ZNF385D: variants seen among roughly 807,000 people sequenced by gnomAD.
ZNF385D encodes the protein zinc finger protein 659.
Under a neutral mutation model 35.8 loss-of-function variants are expected in ZNF385D, and 15 were observed. The ratio of observed to expected loss-of-function variants is 0.42; its 90% CI spans 0.28 to 0.64. The LOEUF (loss-of-function observed/expected upper bound fraction) is 0.64, where lower values mean the gene tolerates loss of function less well. ZNF385D is among the 30% of genes least tolerant of loss of function. The probability of loss-of-function intolerance (pLI) is 0.23; values close to 1 mark genes in which losing one functional copy is unlikely to be tolerated. For missense variants in ZNF385D, 474 were observed against 494.6 expected (o/e 0.96, Z 0.39); for synonymous variants, 212 against 186.8 (o/e 1.13, Z -1.10).
intron 2 of ZNF385D, among the ~76,000 whole-genome samples, chr3:21,568,745 A>G (rs1007302435): frequency 1.3e-5 from 2 of 152,156 alleles, no homozygotes; most frequent in Non-Finnish European, 2.9e-5. Context: ...TTAATTTACC[A>G]TCATTGTTCA....
intron 3 of ZNF385D, among the ~76,000 whole-genome samples, chr3:21,801,257 G>A (rs991774169): frequency 3.3e-5 from 5 of 152,060 alleles, no homozygotes; most frequent in African/African-American, 1.2e-4. Context: ...GTGTGTGTCA[G>A]TATTCATTAG....
chr3:21,468,724 G>A lies in ZNF385D; in HGVS notation c.440-31521C>T, dbSNP rs1272191427. Among the ~76,000 whole-genome samples, 3 of 152,024 alleles carry A rather than the reference G, an allele frequency of 2.0e-5. No homozygotes were observed. The South Asian group carries it at 6.2e-4, about 32-fold the overall frequency. The stretch of plus-strand genomic sequence containing the variant: ...GCGGATCACGAGGTCAGGAGATTGA[G>A]ACCATCCTGGCCAACATGGTGAAAC... On this transcript the variant is annotated intron_variant, in intron 4 of 7. Coordinates refer to ENST00000281523, the MANE Select transcript of ZNF385D (RefSeq NM_024697.3).
chr3:21,496,247 AATAAATATATATATAATTTAT>A (rs1397435716), intron 4 of ZNF385D, among the ~76,000 whole-genome samples: 5 of 147,450 alleles, frequency 3.4e-5, no homozygotes, highest in African/African-American at 1.2e-4. Context: ...ATAAAAAGTA[AATAAATATATATATAATTTAT>A]ATATATATTT....
chr3:21,536,497 T>C (rs888039108), intron 3 of ZNF385D, among the ~76,000 whole-genome samples: 4 of 152,068 alleles, frequency 2.6e-5, no homozygotes, highest in Admixed American at 6.5e-5. Context: ...TGAAATATTT[T>C]AGAGCTTAAA....
intron 2 of ZNF385D, among the ~76,000 whole-genome samples, chr3:22,234,359 G>T (rs1699059257): frequency 6.6e-6 from 1 of 152,074 alleles, no homozygotes; most frequent in Non-Finnish European, 1.5e-5. Context: ...GCTTTTTGAA[G>T]ACACTTCCAA....
rs114765884 is a variant in ZNF385D at position 22,029,484 on chromosome 3, A to G, written c.325+139333T>C. Among the ~76,000 whole-genome samples the G allele has an allele frequency of 7.9e-3, 1,209 of 152,350 alleles. 13 individuals carry two copies. Among genetic ancestry groups the G allele is most frequent in the Admixed American group, 0.012 (185 of 15,304 alleles). On this transcript the variant is annotated intron_variant, in intron 3 of 5. Coordinates refer to the ZNF385D transcript ENST00000494108. ...GCTGAGGTGCTTGCTGAAGGCAAGG[A>G]AAACACAGAATAAATAGTAGATAAA...
At chr3:21,770,350 G>C (rs2071024164) in intron 3 of ZNF385D, among the ~76,000 whole-genome samples, 1 of 152,018 alleles carries the variant, frequency 6.6e-6, no homozygotes, top group Non-Finnish European at 1.5e-5. Context: ...CTGACAAAGG[G>C]CTAATATCCA....
intron 2 of ZNF385D, among the ~76,000 whole-genome samples, chr3:22,193,463 A>G (rs1370720214): frequency 2.0e-5 from 3 of 152,112 alleles, no homozygotes; most frequent in Admixed American, 2.0e-4. Flanking sequence ...AATATTACAT[A>G]GGATGCATGA....
At chr3:22,260,883 G>A (rs1700592115) in intron 2 of ZNF385D, among the ~76,000 whole-genome samples, 1 of 151,936 alleles carries the variant, frequency 6.6e-6, no homozygotes, top group Non-Finnish European at 1.5e-5. Context: ...TATGGTAACA[G>A]TTTTAGTAGA....
intron 3 of ZNF385D, among the ~76,000 whole-genome samples, chr3:21,801,804 C>A (rs551431767): frequency 6.6e-6 from 1 of 152,062 alleles, no homozygotes; most frequent in African/African-American, 2.4e-5. Flanking sequence ...TTAGAGTGCC[C>A]GTCCTGACCA....
intron 2 of ZNF385D, among the ~76,000 whole-genome samples, chr3:22,351,052 A>T (rs994758833): frequency 2.0e-5 from 3 of 152,094 alleles, no homozygotes; most frequent in Non-Finnish European, 4.4e-5. Flanking sequence ...TGCTACACTG[A>T]TGTCAGTAAA....
At chr3:21,446,225 G>A (rs955266004) in intron 4 of ZNF385D, among the ~76,000 whole-genome samples, 1 of 152,116 alleles carries the variant, frequency 6.6e-6, no homozygotes, top group South Asian at 2.1e-4. Flanking sequence ...TTAGTTTCCG[G>A]TTTAGATTAA....
rs535349704 is a variant in ZNF385D, at chr3:22,323,247, G to A, written c.106+49203C>T. 7.0e-4 allele frequency among the ~76,000 whole-genome samples: 107 copies of A among 152,168 alleles called. 1 individual carries two copies. Among genetic ancestry groups the A allele is most frequent in the African/African-American group, 2.4e-3 (99 of 41,516 alleles). On this transcript the variant is annotated intron_variant, in intron 2 of 5. Coordinates refer to the ZNF385D transcript ENST00000494108. ...GTTTCAGTGGATCAAGTTCTTTCCAGGATCTCTCCCTTCCTGACCCTGCCC... is the reference window on the plus strand; with the variant it reads ...GTTTCAGTGGATCAAGTTCTTTCCAAGATCTCTCCCTTCCTGACCCTGCCC...
At chr3:21,798,021 C>G (rs1480071205) in intron 3 of ZNF385D, among the ~76,000 whole-genome samples, 1 of 152,160 alleles carries the variant, frequency 6.6e-6, no homozygotes, top group Non-Finnish European at 1.5e-5. Flanking sequence ...GTAGTGTAAA[C>G]TATGGACACT....
At chr3:22,344,581 G>A (rs1323814165) in intron 2 of ZNF385D, among the ~76,000 whole-genome samples, 1 of 150,510 alleles carries the variant, frequency 6.6e-6, no homozygotes, top group Non-Finnish European at 1.5e-5. Flanking sequence ...TTGTTTTTTT[G>A]TTTTGTTTTT....
intron 2 of ZNF385D, among the ~76,000 whole-genome samples, chr3:22,309,751 T>C (rs1037604123): frequency 6.6e-6 from 1 of 151,984 alleles, no homozygotes; most frequent in Non-Finnish European, 1.5e-5. Flanking sequence ...AAGAGTAGTA[T>C]TCTCTCTCTC....
chr3:22,222,697 G>A lies in ZNF385D; in HGVS notation c.107-53662C>T, dbSNP rs374429588. ...ATAATCCACCTTCCATAGTGTAAAAGCCAAATGAAAGAACGGATATAAAAG... is the reference window on the plus strand; with the variant it reads ...ATAATCCACCTTCCATAGTGTAAAAACCAAATGAAAGAACGGATATAAAAG... On this transcript the variant is annotated intron_variant, in intron 2 of 5. Coordinates refer to the ZNF385D transcript ENST00000494108. 2.0e-5 allele frequency among the ~76,000 whole-genome samples: 3 copies of A among 152,138 alleles called. No homozygotes were observed. The East Asian group carries it at 5.8e-4, about 29-fold the overall frequency.
At chr3:21,717,387 C>T (rs977284391) in intron 1 of ZNF385D, among the ~76,000 whole-genome samples, 2 of 152,198 alleles carry the variant, frequency 1.3e-5, no homozygotes, top group African/African-American at 4.8e-5. Context: ...TTGGAACGCA[C>T]ATGGGGTTTT....
chr3:21,853,484 TTTAA>T (rs1461568081), intron 3 of ZNF385D, among the ~76,000 whole-genome samples: 3 of 147,928 alleles, frequency 2.0e-5, no homozygotes, highest in Middle Eastern at 3.5e-3. Context: ...TGTTTTAGAG[TTTAA>T]TTGTTTAAAA....
Sources: allele counts gnomAD v4.1 joint callset (sites outside exome capture counted in the v4.1 genomes callset), GRCh38; gene constraint gnomAD v4.1.1; transcripts MANE v1.5; gene names NCBI Gene and HGNC (gene_info 2026-07-23, HGNC 2026-07-21).